The following KLRG1 variants were observed in gnomAD, a reference collection of about 807,000 sequenced individuals.
KLRG1 encodes the protein killer cell lectin-like receptor subfamily G member 1.
In KLRG1, 16 loss-of-function variants were observed where a neutral mutation model predicts 21.8. The observed-to-expected ratio is 0.73, with a 90% CI of 0.50 to 1.11. The LOEUF is 1.11. Among genes scored for constraint, KLRG1 ranks in the 50% most tolerant of loss-of-function variants. The pLI is 0.00. For missense variants in KLRG1, 173 were observed against 218.3 expected, an observed-to-expected ratio of 0.79 and a Z score of 1.31; for synonymous variants, 69 against 75.9, an observed-to-expected ratio of 0.91 and a Z score of 0.47.
At chr12:9,111,240 G>T in the KLRG1 span, among the ~76,000 whole-genome samples, 1 of 152,082 alleles carries the variant, frequency 6.6e-6, no homozygotes, top group South Asian at 2.1e-4. Flanking sequence ...ATATAACCAC[G>T]CACAAAAGAA....
At chr12:8,955,375 A>ATT (rs61263683) in intron 1 of KLRG1, among the ~76,000 whole-genome samples, 3 of 71,300 alleles carry the variant, frequency 4.2e-5, no homozygotes, top group Admixed American at 1.7e-4. Flanking sequence ...TATTGCTCTG[A>ATT]TTTTTTTTTT....
At chr12:9,124,850 G>A in the KLRG1 span, among the ~76,000 whole-genome samples, 1 of 152,362 alleles carries the variant, frequency 6.6e-6, no homozygotes, top group African/African-American at 2.4e-5. Context: ...CTTCAGGCCA[G>A]GGAGGACCTG....
chr12:9,001,546 G>T (rs752088067), intron 3 of KLRG1, among the ~76,000 whole-genome samples: 1 of 152,156 alleles, frequency 6.6e-6, no homozygotes, highest in Non-Finnish European at 1.5e-5. Context: ...CCCTAAGTCA[G>T]ATTCCTTAAA....
chr12:9,164,387 A>G, the KLRG1 span: 4 of 994,596 alleles, frequency 4.0e-6, no homozygotes, highest in East Asian at 7.8e-5. Context: ...TGTCACATAG[A>G]TTCATCCATG....
the KLRG1 span, chr12:9,072,862 C>G: frequency 9.9e-6 from 16 of 1,613,688 alleles, no homozygotes; most frequent in Non-Finnish European, 1.4e-5. Flanking sequence ...TGGAGAGCCA[C>G]CACTGTGTCC....
the KLRG1 span, chr12:9,089,301 C>T: frequency 1.4e-5 from 19 of 1,337,482 alleles, no homozygotes; most frequent in Admixed American, 3.7e-4. Context: ...ACCTTCAGAA[C>T]ATGTGTTTTA....
At chr12:9,057,883 G>A in the KLRG1 span, 2 of 152,154 alleles carry the variant, frequency 1.3e-5, no homozygotes. Flanking sequence ...GCAGTTGGAG[G>A]GTGATGTGGA....
chr12:9,200,253 G>T, the KLRG1 span: 2 of 615,510 alleles, frequency 3.2e-6, no homozygotes, highest in East Asian at 2.9e-5. Flanking sequence ...GAAGTCAAAG[G>T]AGTAATATTA....
the KLRG1 span, among the ~76,000 whole-genome samples, chr12:9,144,177 G>GAGAGAGAGAC: frequency 2.6e-5 from 4 of 152,204 alleles, no homozygotes; most frequent in South Asian, 8.3e-4. Context: ...GAGAGAGAGA[G>GAGAGAGAGAC]AGAGAGAGAC....
the KLRG1 span, chr12:9,077,636 C>T: frequency 1.9e-6 from 3 of 1,584,490 alleles, no homozygotes; most frequent in African/African-American, 1.4e-5. Flanking sequence ...CACATTATCA[C>T]TTCCTATCCT....
the KLRG1 span, chr12:9,162,595 A>G: frequency 6.3e-7 from 1 of 1,579,558 alleles, no homozygotes; most frequent in Non-Finnish European, 8.7e-7. Flanking sequence ...ATGGACTCTT[A>G]CCTGAGGCAC....
At chr12:8,958,519 A>G (rs747086229) in intron 1 of KLRG1, among the ~76,000 whole-genome samples, 1 of 152,276 alleles carries the variant, frequency 6.6e-6, no homozygotes, top group South Asian at 2.1e-4. Flanking sequence ...GGTCCTTTGC[A>G]TTTCCATATA....
the KLRG1 span, chr12:9,153,396 G>C: frequency 6.7e-7 from 1 of 1,485,586 alleles, no homozygotes; most frequent in Non-Finnish European, 9.3e-7. Flanking sequence ...TGGCATCTGG[G>C]ATTTTCCCCC....
intron 1 of KLRG1, among the ~76,000 whole-genome samples, chr12:8,971,594 G>A (rs12581860): frequency 0.34 from 46,379 of 138,428 alleles, 8,446 homozygotes; most frequent in South Asian, 0.43. Context: ...AGGTTCAAGC[G>A]ATTCTCCTGC....
the KLRG1 span, among the ~76,000 whole-genome samples, chr12:9,062,152 T>TA: frequency 7.5e-5 from 11 of 146,482 alleles, no homozygotes; most frequent in African/African-American, 2.5e-4. Flanking sequence ...ATATATTGTA[T>TA]AAAAAATCAC....
chr12:9,197,016 T>C, the KLRG1 span: 1 of 1,604,080 alleles, frequency 6.2e-7, no homozygotes. Context: ...ACTAACCTGT[T>C]GACTGAATTC....
the KLRG1 span, among the ~76,000 whole-genome samples, chr12:9,134,847 T>C: frequency 1.1e-4 from 17 of 152,184 alleles, no homozygotes; most frequent in African/African-American, 4.1e-4. Flanking sequence ...GTCCTAGCCA[T>C]GTAACCAAAC....
At chr12:9,099,370 A>T in the KLRG1 span, 1 of 1,552,358 alleles carries the variant, frequency 6.4e-7, no homozygotes, top group Non-Finnish European at 8.7e-7. Context: ...TTTATGATCT[A>T]AAACACACAC....
At chr12:9,150,565 G>T in the KLRG1 span, 27 of 942,810 alleles carry the variant, frequency 2.9e-5, no homozygotes, top group African/African-American at 4.1e-4. Context: ...GACTAAGTGG[G>T]CTAAGAAGAG....
Sources: allele counts gnomAD v4.1 joint callset (sites outside exome capture counted in the v4.1 genomes callset), GRCh38; gene constraint gnomAD v4.1.1; transcripts MANE v1.5; gene names NCBI Gene and HGNC (gene_info 2026-07-23, HGNC 2026-07-21).